GRIP1: variants seen among roughly 807,000 people sequenced by gnomAD.
GRIP1 encodes glutamate receptor interacting protein 1, also known as glutamate receptor-interacting protein 1.
GRIP1 carries 45 observed loss-of-function variants against 129.9 expected under a neutral mutation model. That is an observed-to-expected ratio of 0.35 (90% CI 0.27 to 0.44). GRIP1 has a LOEUF of 0.44. GRIP1 is among the 20% of genes least tolerant of loss of function. The pLI, the probability that GRIP1 is intolerant of heterozygous loss-of-function variation, is 1.00. For synonymous variants in GRIP1, 530 were observed against 520.8 expected (o/e 1.02, Z -0.24); for missense variants, 1,196 against 1,396.8 (o/e 0.86, Z 2.29).
chr12:66,521,673 G>A (rs887310578), intron 5 of GRIP1, among the ~76,000 whole-genome samples: 1 of 152,188 alleles, frequency 6.6e-6, no homozygotes, highest in Non-Finnish European at 1.5e-5. Flanking sequence ...TGGGTGCAGC[G>A]CACCGGGCGC....
intron 1 of GRIP1, among the ~76,000 whole-genome samples, chr12:66,833,019 A>G (rs1280635928): frequency 1.3e-5 from 2 of 152,166 alleles, no homozygotes; most frequent in Non-Finnish European, 2.9e-5. Flanking sequence ...ACAGAGACTC[A>G]GTGATGGAAC....
chr12:66,854,975 T>A (rs1051235132), intron 1 of GRIP1, among the ~76,000 whole-genome samples: 14 of 152,078 alleles, frequency 9.2e-5, no homozygotes, highest in Admixed American at 8.5e-4. Flanking sequence ...TCCATCTTTG[T>A]CAACATCATT....
chr12:67,001,862 G>T (rs901469990), intron 1 of GRIP1, among the ~76,000 whole-genome samples: 5 of 152,076 alleles, frequency 3.3e-5, no homozygotes, highest in African/African-American at 1.2e-4. Flanking sequence ...TCTATCTGCA[G>T]ACATTTCATG....
At chr12:66,586,292 G>GA (rs1236239021) in intron 2 of GRIP1, among the ~76,000 whole-genome samples, 1 of 152,016 alleles carries the variant, frequency 6.6e-6, no homozygotes, top group African/African-American at 2.4e-5. Flanking sequence ...ATCAATATTT[G>GA]ACCTAGTTTT....
intron 5 of GRIP1, among the ~76,000 whole-genome samples, chr12:66,520,622 G>C (rs1196625386): frequency 6.6e-6 from 1 of 152,112 alleles, no homozygotes; most frequent in Admixed American, 6.6e-5. Context: ...AAAACTCCTG[G>C]ATATACACAC....
At chr12:66,650,131 G>A (rs991462652) in intron 1 of GRIP1, among the ~76,000 whole-genome samples, 2 of 152,246 alleles carry the variant, frequency 1.3e-5, no homozygotes, top group Non-Finnish European at 2.9e-5. Flanking sequence ...AGTGCCCAAC[G>A]GCGGGTAGCT....
At chr12:66,805,157 T>TA (rs1255105560), upstream of GRIP1, among the ~76,000 whole-genome samples, 8 of 152,156 alleles carry the variant, frequency 5.3e-5, no homozygotes, top group African/African-American at 7.2e-5. Flanking sequence ...GTTACATTTT[T>TA]AAAAAAACAT....
At chr12:66,385,993 TC>T (rs2137447898) in intron 19 of GRIP1, among the ~76,000 whole-genome samples, 1 of 152,302 alleles carries the variant, frequency 6.6e-6, no homozygotes, top group South Asian at 2.1e-4. Context: ...ATACTTTGTA[TC>T]CTAATAGGAG....
chr12:67,024,788 T>A (rs2042917320), intron 1 of GRIP1, among the ~76,000 whole-genome samples: 1 of 152,124 alleles, frequency 6.6e-6, no homozygotes, highest in Admixed American at 6.6e-5. Flanking sequence ...AAAAAAGATA[T>A]ACACACACAT....
chr12:66,883,293 GC>G (rs2040510462), intron 1 of GRIP1, among the ~76,000 whole-genome samples: 1 of 151,682 alleles, frequency 6.6e-6, no homozygotes. Flanking sequence ...TTAATTTTTG[GC>G]CTTAGTCTTC....
intron 1 of GRIP1, among the ~76,000 whole-genome samples, chr12:66,723,208 T>G: frequency 1.9e-5 from 1 of 51,670 alleles, no homozygotes; most frequent in Non-Finnish European, 3.3e-5. Flanking sequence ...CTTCTTTTCT[T>G]TCTTTCTTTC....
chr12:67,005,698 C>T (rs1464008129), intron 1 of GRIP1, among the ~76,000 whole-genome samples: 1 of 152,148 alleles, frequency 6.6e-6, no homozygotes, highest in African/African-American at 2.4e-5. Context: ...CATTCTCACT[C>T]GTGGAAGAAG....
At chr12:66,665,842 G>A (rs976402187) in intron 1 of GRIP1, among the ~76,000 whole-genome samples, 8 of 152,038 alleles carry the variant, frequency 5.3e-5, no homozygotes, top group Non-Finnish European at 1.2e-4. Context: ...AGATACTACC[G>A]AACAGTTTTC....
chr12:66,430,087 G>T (rs1423027949), intron 14 of GRIP1, among the ~76,000 whole-genome samples: 3 of 152,218 alleles, frequency 2.0e-5, no homozygotes, highest in East Asian at 3.8e-4. Context: ...TGCAGGTAAA[G>T]CTTCTTATTC....
rs371925926 is a variant in GRIP1 at position 66,592,648 on chromosome 12, T to A, written c.136+4199A>T. 1.4e-3 allele frequency among the ~76,000 whole-genome samples: 211 copies of A among 152,294 alleles called. 1 individual carries two copies. The highest frequency in any genetic ancestry group is 5.0e-3 in the African/African-American group (206 of 41,560). On this transcript the variant is annotated intron_variant, in intron 2 of 24. Transcript: ENST00000359742. Reference sequence around the variant, plus strand: ...AAGAGGAGGCAAGTCAAATAAGTAATATACTAACTCTAGGCTTTGAGGTCA... The same window carrying A: ...AAGAGGAGGCAAGTCAAATAAGTAAAATACTAACTCTAGGCTTTGAGGTCA...
At chr12:66,496,186 T>C (rs1168260188) in intron 7 of GRIP1, among the ~76,000 whole-genome samples, 3 of 152,160 alleles carry the variant, frequency 2.0e-5, no homozygotes, top group Non-Finnish European at 4.4e-5. Context: ...TTCAAATATA[T>C]GATGTTTATC....
chr12:66,870,448 T>C (rs966348053), intron 1 of GRIP1, among the ~76,000 whole-genome samples: 18 of 152,130 alleles, frequency 1.2e-4, no homozygotes, highest in African/African-American at 4.3e-4. Flanking sequence ...TATAGAGCAA[T>C]GCTGTTTCTC....
At chr12:66,931,414 C>T (rs1459004273) in intron 1 of GRIP1, among the ~76,000 whole-genome samples, 1 of 152,084 alleles carries the variant, frequency 6.6e-6, no homozygotes, top group Non-Finnish European at 1.5e-5. Flanking sequence ...ATCACTCTGG[C>T]AGGTGATTAA....
chr12:66,789,139 G>A (rs1276618525), intron 1 of GRIP1, among the ~76,000 whole-genome samples: 1 of 152,128 alleles, frequency 6.6e-6, no homozygotes, highest in East Asian at 1.9e-4. Context: ...TATTTGAGTA[G>A]TAAAATTCTT....
Sources: gnomAD v4.1 joint callset for allele counts (sites outside exome capture counted in the v4.1 genomes callset) on GRCh38, gnomAD v4.1.1 for gene constraint, MANE v1.5 for transcripts, NCBI Gene and HGNC (gene_info 2026-07-23, HGNC 2026-07-21) for gene names.